Variants in RALGAPA1 observed in about 807,000 individuals in gnomAD.
The protein encoded by RALGAPA1 is ral GTPase-activating protein subunit alpha-1.
In RALGAPA1, 52 loss-of-function variants were observed where a neutral mutation model predicts 269.6. The ratio of observed to expected loss-of-function variants is 0.19; its 90% CI spans 0.15 to 0.24. RALGAPA1 has a LOEUF of 0.24. Ranked by LOEUF, RALGAPA1 falls within the 10% of genes least tolerant of loss-of-function variation. RALGAPA1 has a pLI of 1.00. For missense variants in RALGAPA1, 1,917 were observed against 3,013.9 expected (o/e 0.64, Z 8.52); for synonymous variants, 817 against 1,008.3 (o/e 0.81, Z 3.60).
intron 39 of RALGAPA1, among the ~76,000 whole-genome samples, chr14:35,562,890 A>G (rs1051700326): frequency 6.6e-6 from 1 of 151,686 alleles, no homozygotes; most frequent in Non-Finnish European, 1.5e-5. Flanking sequence ...GCGTGGTGGC[A>G]TGCACCTGTA....
intron 6 of RALGAPA1, among the ~76,000 whole-genome samples, chr14:35,758,386 T>C (rs958680422): frequency 1.4e-4 from 22 of 151,762 alleles, no homozygotes; most frequent in Admixed American, 6.6e-5. Context: ...TGTGAAGCTA[T>C]AAAAACCCCC....
At chr14:35,764,847 G>C (rs2074018029) in intron 4 of RALGAPA1, among the ~76,000 whole-genome samples, 1 of 152,058 alleles carries the variant, frequency 6.6e-6, no homozygotes, top group African/African-American at 2.4e-5. Context: ...ACCATGCCTG[G>C]CCTTAAATTT....
chr14:35,720,044 G>A (rs1021941357), intron 16 of RALGAPA1, among the ~76,000 whole-genome samples: 5 of 152,278 alleles, frequency 3.3e-5, no homozygotes, highest in Non-Finnish European at 5.9e-5. Context: ...AAGCCACCGC[G>A]CCCGGCCAAC....
At chr14:35,777,971 G>C (rs1371408381) in intron 1 of RALGAPA1, among the ~76,000 whole-genome samples, 2 of 152,130 alleles carry the variant, frequency 1.3e-5, no homozygotes, top group Non-Finnish European at 2.9e-5. Context: ...ATGCACTAAG[G>C]CTCAACATAA....
intron 16 of RALGAPA1, among the ~76,000 whole-genome samples, chr14:35,717,298 A>G (rs1194300768): frequency 6.6e-6 from 1 of 152,014 alleles, no homozygotes; most frequent in African/African-American, 2.4e-5. Context: ...TTACAGGCAC[A>G]GGCTACCACG....
intron 39 of RALGAPA1, among the ~76,000 whole-genome samples, chr14:35,565,091 AT>A (rs1004755515): frequency 6.6e-6 from 1 of 152,064 alleles, no homozygotes; most frequent in Non-Finnish European, 1.5e-5. Context: ...ATCAATAAAT[AT>A]TTTTGAAGGA....
chr14:35,546,310 CTT>C (rs926961632), intron 41 of RALGAPA1, among the ~76,000 whole-genome samples: 1 of 151,898 alleles, frequency 6.6e-6, no homozygotes, highest in Non-Finnish European at 1.5e-5. Flanking sequence ...AGAAAGTGGG[CTT>C]TAGATAATCT....
chr14:35,722,209 C>T (rs2069483031), intron 15 of RALGAPA1, among the ~76,000 whole-genome samples: 1 of 152,148 alleles, frequency 6.6e-6, no homozygotes, highest in African/African-American at 2.4e-5. Context: ...CAATAATAGC[C>T]ACTTGGGAAA....
intron 16 of RALGAPA1, among the ~76,000 whole-genome samples, chr14:35,709,419 T>C (rs1188668260): frequency 6.6e-6 from 1 of 152,112 alleles, no homozygotes; most frequent in East Asian, 1.9e-4. Context: ...GGTTCTTCTT[T>C]CATTTCTGGT....
At chr14:35,681,768 A>T (rs891002770) in intron 21 of RALGAPA1, among the ~76,000 whole-genome samples, 1 of 152,158 alleles carries the variant, frequency 6.6e-6, no homozygotes, top group African/African-American at 2.4e-5. Flanking sequence ...CCATCACCAT[A>T]AAGTTTTCTT....
rs2069437091 is a variant in RALGAPA1, at chr14:35,721,773, T to TTG, written c.2179_2180dup (p.Gln727HisfsTer5). On this transcript the variant is annotated frameshift_variant, in exon 16 of 42. Transcript: ENST00000680220. LOFTEE classifies it high-confidence loss of function. ...TTGCACTCCTCTGTCTCATTGGGGCTTGGCCAGGCTGATCACGACTCCATC... is the reference window on the plus strand; with the variant it reads ...TTGCACTCCTCTGTCTCATTGGGGCTTGTGGCCAGGCTGATCACGACTCCATC... 6.2e-7 allele frequency: 1 copy of TTG among 1,612,958 alleles called. No individual in the cohort carries two copies. Among genetic ancestry groups the TTG allele is most frequent in the African/African-American group, 1.3e-5 (1 of 74,882 alleles).
chr14:35,577,386 C>T (rs1264546273), intron 37 of RALGAPA1, among the ~76,000 whole-genome samples: 2 of 151,886 alleles, frequency 1.3e-5, no homozygotes, highest in Admixed American at 6.6e-5. Flanking sequence ...GGATTAATGT[C>T]CTTATAAAAG....
intron 17 of RALGAPA1, among the ~76,000 whole-genome samples, chr14:35,698,844 A>G (rs540268657): frequency 1.1e-4 from 16 of 152,348 alleles, no homozygotes; most frequent in African/African-American, 3.6e-4. Flanking sequence ...AAGGAGGTAC[A>G]GTGCTTAAAT....
intron 38 of RALGAPA1, among the ~76,000 whole-genome samples, chr14:35,571,353 G>T (rs1226524453): frequency 6.6e-6 from 1 of 151,592 alleles, no homozygotes; most frequent in Non-Finnish European, 1.5e-5. Flanking sequence ...GTGGTCACAT[G>T]TTCTCTCTGT....
Position 35,674,264 on chromosome 14 carries a change from A to C in RALGAPA1, c.4833T>G (p.Leu1611=). 6.2e-7 allele frequency: 1 copy of C among 1,610,790 alleles called. No homozygotes were observed. Among genetic ancestry groups the C allele is most frequent in the South Asian group, 1.1e-5 (1 of 90,554 alleles). Residue 1611 remains leucine (L), a synonymous_variant, in exon 24 of 42, where the codon CTT becomes CTG. Transcript: ENST00000680220. ...WQNLAKIRDN[L]GISTDNLTSP... ...AGGTCAGGTTATCAGTTGAAATGCCAAGGTTATCTCTAATCTGTAATTTTC... is the reference window on the plus strand; with the variant it reads ...AGGTCAGGTTATCAGTTGAAATGCCCAGGTTATCTCTAATCTGTAATTTTC...
At chr14:35,735,988 A>G (rs921604778) in intron 12 of RALGAPA1, among the ~76,000 whole-genome samples, 7 of 152,234 alleles carry the variant, frequency 4.6e-5, no homozygotes, top group South Asian at 2.1e-4. Context: ...GGTTCTGAGC[A>G]GAAAAATGAC....
At chr14:35,792,633 A>G (rs1257284185) in intron 1 of RALGAPA1, among the ~76,000 whole-genome samples, 1 of 151,794 alleles carries the variant, frequency 6.6e-6, no homozygotes, top group Non-Finnish European at 1.5e-5. Flanking sequence ...AAATACCAAA[A>G]CTAGCCGGGT....
intron 1 of RALGAPA1, among the ~76,000 whole-genome samples, chr14:35,795,461 G>A (rs1453381334): frequency 6.6e-6 from 1 of 152,102 alleles, no homozygotes; most frequent in Non-Finnish European, 1.5e-5. Flanking sequence ...AGTACCAGGT[G>A]CTCACACAGA....
intron 39 of RALGAPA1, among the ~76,000 whole-genome samples, chr14:35,556,949 T>A (rs1047911775): frequency 7.2e-5 from 11 of 152,080 alleles, no homozygotes; most frequent in Non-Finnish European, 1.3e-4. Flanking sequence ...TCCACCAAAG[T>A]TTGTGTAAAT....
Sources: gnomAD v4.1 joint callset for allele counts (sites outside exome capture counted in the v4.1 genomes callset) on GRCh38, gnomAD v4.1.1 for gene constraint, MANE v1.5 for transcripts, NCBI Gene and HGNC (gene_info 2026-07-23, HGNC 2026-07-21) for gene names.